Variants in CSF1 observed in about 807,000 individuals in gnomAD.
CSF1 encodes the protein colony stimulating factor 1.
A neutral mutation model predicts 48.9 loss-of-function variants in CSF1; 9 were observed. The ratio of observed to expected loss-of-function variants is 0.18; its 90% CI spans 0.11 to 0.32. The LOEUF (loss-of-function observed/expected upper bound fraction) is 0.32, where lower values mean the gene tolerates loss of function less well. CSF1 is among the 10% of genes least tolerant of loss of function. The probability of loss-of-function intolerance (pLI) is 1.00; values close to 1 mark genes in which losing one functional copy is unlikely to be tolerated. For synonymous variants in CSF1, 305 were observed against 284.1 expected, an observed-to-expected ratio of 1.07 and a Z score of -0.74; for missense variants, 672 against 697.9, an observed-to-expected ratio of 0.96 and a Z score of 0.42.
rs1050191374 is a variant in CSF1, at chr1:109,915,686, A to G, written c.215A>G (p.Gln72Arg). The G allele has an allele frequency of 8.1e-6, 13 of 1,613,596 alleles. No individual in the cohort carries two copies. In the African/African-American group the frequency reaches 1.5e-4, roughly 18 times the overall value. ...CAAATTACATTTGAGTTTGTAGACC[A>G]GGAACAGTTGGTGAGTGATGGCTTT... is the stretch of plus-strand genomic sequence containing the variant. Reference protein sequence around the residue: ...SCQITFEFVDQEQLKDPVCYL... With the variant: ...SCQITFEFVDREQLKDPVCYL... Residue 72 changes from glutamine (Q) to arginine (R), a missense_variant, in exon 3 of 9, where the codon CAG becomes CGG. By Grantham distance (43) the Gln-to-Arg change is conservative. Around this residue, in one of 3 missense-constraint regions of CSF1, gnomAD observed 28 missense variants for 58.8 expected, o/e 0.48. Transcript: ENST00000329608.
At position 109,923,832 on chromosome 1, in the gene CSF1, G is replaced by A. The variant is rs1272563621; in HGVS notation, c.1211G>A (p.Arg404Lys). The A allele has an allele frequency of 1.2e-6, 2 of 1,613,574 alleles. No homozygotes were observed. Among genetic ancestry groups the A allele is most frequent in the Admixed American group, 3.3e-5 (2 of 59,926 alleles). Residue 404 changes from arginine to lysine, a missense_variant, in exon 6 of 9, where the codon AGG becomes AAG. Physicochemically the swap from Arg to Lys is conservative, Grantham distance 26 (BLOSUM62 2). Transcript: ENST00000329608. ...LRDPPEPGSP[R>K]ISSLRPQGLS... ...GACCCCCCGGAGCCAGGCTCTCCCAGGATCTCATCACTGCGCCCCCAGGGC... is the reference window on the plus strand; with the variant it reads ...GACCCCCCGGAGCCAGGCTCTCCCAAGATCTCATCACTGCGCCCCCAGGGC...
At chr1:109,916,436 T>A (rs1647222424) in intron 3 of CSF1, among the ~76,000 whole-genome samples, 1 of 152,170 alleles carries the variant, frequency 6.6e-6, no homozygotes, top group Non-Finnish European at 1.5e-5. Context: ...TAGTCTGGGT[T>A]ACACCAGGTC....
intron 1 of CSF1, among the ~76,000 whole-genome samples, chr1:109,913,299 G>C (rs1029159718): frequency 2.6e-5 from 4 of 152,242 alleles, no homozygotes; most frequent in African/African-American, 9.6e-5. Context: ...CAGCCGCCAG[G>C]AGGCTTGGGA....
At chr1:109,924,939 A>G in intron 7 of CSF1, 111 bp downstream of exon 7, 1 of 1,163,366 alleles carries the variant, frequency 8.6e-7, no homozygotes, top group Non-Finnish European at 1.3e-6. Context: ...ATGGAGCTGC[A>G]GAACAGGATG....
chr1:109,913,111 G>T (rs981459767), intron 1 of CSF1, among the ~76,000 whole-genome samples: 7 of 152,344 alleles, frequency 4.6e-5, no homozygotes, highest in African/African-American at 1.7e-4. Context: ...TGGGCTTTTG[G>T]TGATATGTAG....
chr1:109,926,508 A>G (rs1403381733), intron 8 of CSF1: 2 of 152,304 alleles, frequency 1.3e-5, no homozygotes, highest in African/African-American at 4.8e-5. Context: ...CCTCCTGCAC[A>G]TTGATGAGTG....
At chr1:109,922,239 A>G in intron 5 of CSF1, 3 of 383,020 alleles carry the variant, frequency 7.8e-6, no homozygotes, top group Middle Eastern at 6.6e-4. Flanking sequence ...GGCAGCGTCA[A>G]GAAGGATCAT....
At position 109,912,330 on chromosome 1, in the gene CSF1, C is replaced by A. The variant is rs534919400; in HGVS notation, c.39+1268C>A. 3.9e-5 allele frequency among the ~76,000 whole-genome samples: 6 copies of A among 152,188 alleles called. No homozygotes were observed. In the East Asian group the frequency reaches 1.2e-3, roughly 29 times the overall value. On this transcript the variant is annotated intron_variant, in intron 1 of 8. Coordinates refer to ENST00000329608, the MANE Select transcript of CSF1 (RefSeq NM_000757.6). ...ATAGGTGGCAGAGGAGGCTGGACAG[C>A]TGGACTGAGGTGTCCTAGCATCTCT...
At chr1:109,921,632 C>A (rs1647547678) in intron 4 of CSF1, among the ~76,000 whole-genome samples, 1 of 152,162 alleles carries the variant, frequency 6.6e-6, no homozygotes, top group South Asian at 2.1e-4. Flanking sequence ...TTACCATATG[C>A]CTGGCACATA....
chr1:109,924,513 C>T (rs1348867489), intron 6 of CSF1, among the ~76,000 whole-genome samples: 3 of 152,038 alleles, frequency 2.0e-5, no homozygotes, highest in Non-Finnish European at 2.9e-5. Context: ...TCAGGGCAGG[C>T]GTACACTGGA....
At position 109,930,831 on chromosome 1, in the gene CSF1, C is replaced by T. The variant is rs1648040515; in HGVS notation, c.*1993C>T. 1 of 152,170 alleles carries T rather than the reference C, an allele frequency of 6.6e-6. No individual in the cohort carries two copies. Among genetic ancestry groups the T allele is most frequent in the Non-Finnish European group, 1.5e-5 (1 of 68,038 alleles). The allele number at this position is 152,170 out of a possible 1,614,324, so 9.4% of individuals were successfully genotyped here. On this transcript the variant is annotated 3_prime_UTR_variant, in exon 9 of 9. Transcript: ENST00000329608. ...CAGGCTACCTGCTCAGGAACCCCTT[C>T]TGTTCTCTGAGAAGTCAAGAGAGGA...
Position 109,910,950 on chromosome 1 carries a change from C to T in CSF1, c.-74C>T. Reference sequence around the variant, plus strand: ...CGGTGCGGCCCTCGGCCGGGGCGCCCACTCCGCAGCAGCCAGCGAGCGAGC... The same window carrying T: ...CGGTGCGGCCCTCGGCCGGGGCGCCTACTCCGCAGCAGCCAGCGAGCGAGC... On this transcript the variant is annotated 5_prime_UTR_variant, in exon 1 of 9. Coordinates refer to ENST00000329608, the MANE Select transcript of CSF1 (RefSeq NM_000757.6). 3 of 1,098,052 alleles carry T rather than the reference C, an allele frequency of 2.7e-6. No homozygotes were observed. The highest frequency in any genetic ancestry group is 3.4e-6 in the Non-Finnish European group (3 of 887,964). The allele number at this position is 1,098,052 out of a possible 1,614,324, so 68.0% of individuals were successfully genotyped here.
chr1:109,915,318 G>T lies in CSF1; in HGVS notation c.163-316G>T, dbSNP rs148063643. Among the ~76,000 whole-genome samples, 1,128 of 152,306 alleles carry T rather than the reference G, an allele frequency of 7.4e-3. 6 individuals are homozygous for T. The highest frequency in any genetic ancestry group is 0.015 in the Admixed American group (234 of 15,304). ...GCTTGAATTCCTACCATGACAGGGT[G>T]CTCACTGCCTCCAGGGAAGATTATA... On this transcript the variant is annotated intron_variant, in intron 2 of 8. Coordinates refer to ENST00000329608, the MANE Select transcript of CSF1 (RefSeq NM_000757.6).
intron 3 of CSF1, among the ~76,000 whole-genome samples, chr1:109,916,317 C>G (rs3093045): frequency 0.061 from 9,341 of 152,180 alleles, 415 homozygotes; most frequent in African/African-American, 0.13. Context: ...TAGTTCACTC[C>G]TCATCTTACC....
chr1:109,924,957 G>A, intron 7 of CSF1, 129 bp downstream of exon 7: 1 of 1,057,958 alleles, frequency 9.5e-7, no homozygotes, highest in Non-Finnish European at 1.4e-6. Flanking sequence ...ATGGGGGAGA[G>A]AAGAAGGGCC....
In CSF1 at chr1:109,925,205, A is replaced by G. The variant is rs1647789347; in HGVS notation, c.*13+3A>G. On this transcript the variant is annotated splice_donor_region_variant and intron_variant, in intron 8 of 8. Transcript: ENST00000329608. ...GCCAGTGTAGAGGGAATTCTAAGGTAAGATTCTGACTTTGATCTCCACTCC... is the reference window on the plus strand; with the variant it reads ...GCCAGTGTAGAGGGAATTCTAAGGTGAGATTCTGACTTTGATCTCCACTCC... The G allele has an allele frequency of 6.2e-7, 1 of 1,613,314 alleles. No individual in the cohort carries two copies. The highest frequency in any genetic ancestry group is 8.5e-7 in the Non-Finnish European group (1 of 1,179,484).
At chr1:109,916,526 C>T (rs1476962845) in intron 3 of CSF1, among the ~76,000 whole-genome samples, 2 of 152,192 alleles carry the variant, frequency 1.3e-5, no homozygotes, top group Non-Finnish European at 2.9e-5. Flanking sequence ...TGCACAAGCT[C>T]TTTCCAATGA....
chr1:109,917,039 A>G (rs1249807918), intron 3 of CSF1, among the ~76,000 whole-genome samples: 2 of 152,186 alleles, frequency 1.3e-5, no homozygotes, highest in East Asian at 1.9e-4. Flanking sequence ...TTAAAGCCTC[A>G]TATTCCAGAA....
chr1:109,912,679 G>T (rs1235393284), intron 1 of CSF1, among the ~76,000 whole-genome samples: 1 of 152,196 alleles, frequency 6.6e-6, no homozygotes, highest in African/African-American at 2.4e-5. Context: ...TTGTCTTCCT[G>T]AGCGGTCCCT....
Sources: gnomAD v4.1 joint callset for allele counts (sites outside exome capture counted in the v4.1 genomes callset) on GRCh38, gnomAD v4.1.1 for gene constraint, gnomAD v4.1.1 regional missense constraint, MANE v1.5 for transcripts, NCBI Gene and HGNC (gene_info 2026-07-23, HGNC 2026-07-21) for gene names.